Variants in ME3 observed in about 807,000 individuals in gnomAD.
The protein encoded by ME3 is NADP-dependent malic enzyme, mitochondrial.
In ME3, 48 loss-of-function variants were observed where a neutral mutation model predicts 68.9. That is an observed-to-expected ratio of 0.70 (90% CI 0.55 to 0.89). ME3 has a LOEUF of 0.89. Among genes scored for constraint, ME3 ranks in the 40% least tolerant of loss-of-function variants. ME3 has a pLI of 0.00. For missense variants in ME3, 675 were observed against 797.4 expected, an observed-to-expected ratio of 0.85 and a Z score of 1.85; for synonymous variants, 320 against 318.8, an observed-to-expected ratio of 1.00 and a Z score of -0.04.
chr11:86,493,131 G>A (rs1031139478), intron 6 of ME3, among the ~76,000 whole-genome samples: 2 of 152,172 alleles, frequency 1.3e-5, no homozygotes, highest in Non-Finnish European at 2.9e-5. Context: ...TGATAATCTT[G>A]CAAGGTAGAA....
chr11:86,473,761 A>G (rs977307428), intron 7 of ME3, among the ~76,000 whole-genome samples: 7 of 142,668 alleles, frequency 4.9e-5, no homozygotes, highest in African/African-American at 2.0e-4. Flanking sequence ...CAAGGATGAC[A>G]GGGAATCTAT....
chr11:86,475,075 T>A (rs1218863709), intron 7 of ME3, among the ~76,000 whole-genome samples: 2 of 152,220 alleles, frequency 1.3e-5, no homozygotes. Flanking sequence ...TCAGGACAAG[T>A]CTTTTCTTTG....
intron 6 of ME3, among the ~76,000 whole-genome samples, chr11:86,488,412 C>T (rs913714912): frequency 1.3e-5 from 2 of 152,074 alleles, no homozygotes; most frequent in Non-Finnish European, 2.9e-5. Context: ...CTCCCTCCCT[C>T]CTTGAAATCT....
chr11:86,605,799 G>C (rs985382012), intron 2 of ME3, among the ~76,000 whole-genome samples: 1 of 1,168 alleles, frequency 8.6e-4, no homozygotes, highest in Non-Finnish European at 0.012. Context: ...ACAGTCAGAG[G>C]GGGAGGGTTA....
intron 2 of ME3, among the ~76,000 whole-genome samples, chr11:86,587,014 A>G (rs188918556): frequency 5.3e-5 from 8 of 152,322 alleles, no homozygotes; most frequent in African/African-American, 1.9e-4. Flanking sequence ...TGTCAGAGAA[A>G]TAGATGAAAA....
In ME3 at chr11:86,486,843, A is replaced by G. The variant is rs1951721825; in HGVS notation, c.809+494T>C. On this transcript the variant is annotated intron_variant, in intron 7 of 14. Coordinates refer to ENST00000543262, the Ensembl canonical transcript of ME3. The stretch of plus-strand genomic sequence containing the variant: ...ACTGTGAAGCTTCCCCAGTGAAGAG[A>G]TGACACCTCATAAATCTTGCAGGCC... Among the ~76,000 whole-genome samples, 4 of 152,184 alleles carry G rather than the reference A, an allele frequency of 2.6e-5. No homozygotes were observed. In the South Asian group the frequency reaches 8.3e-4, roughly 32 times the overall value.
intron 4 of ME3, among the ~76,000 whole-genome samples, chr11:86,537,658 T>C (rs76598684): frequency 0.017 from 2,583 of 152,348 alleles, 76 homozygotes; most frequent in African/African-American, 0.056. Flanking sequence ...TCTGTTCCCA[T>C]GTCAGGCTTG....
At chr11:86,572,813 T>C (rs111317736) in intron 2 of ME3, among the ~76,000 whole-genome samples, 18,491 of 152,226 alleles carry the variant, frequency 0.12, 1,397 homozygotes, top group African/African-American at 0.22. Flanking sequence ...GATTGCTGGG[T>C]CAAATGGTAT....
At chr11:86,659,952 A>G (rs1461205951) in intron 2 of ME3, among the ~76,000 whole-genome samples, 1 of 152,194 alleles carries the variant, frequency 6.6e-6, no homozygotes, top group African/African-American at 2.4e-5. Flanking sequence ...AGAATATACC[A>G]AAATGTTGGG....
chr11:86,562,003 C>T (rs1332727032), intron 2 of ME3, among the ~76,000 whole-genome samples: 2 of 152,198 alleles, frequency 1.3e-5, no homozygotes, highest in Non-Finnish European at 2.9e-5. Flanking sequence ...GCATGTCATG[C>T]ATCTACCATG....
rs201213257 is a variant in ME3, at chr11:86,559,716, G to C, written c.291C>G (p.Tyr97Ter). 48 of 1,613,672 alleles carry C rather than the reference G, an allele frequency of 3.0e-5. No individual in the cohort carries two copies. Among genetic ancestry groups the C allele is most frequent in the Non-Finnish European group, 4.1e-5 (48 of 1,179,788 alleles). Residue 97 changes from tyrosine (Y) to a stop codon, truncating the protein, a stop_gained, in exon 3 of 15, where the codon TAC becomes TAG. Coordinates refer to ENST00000543262, the Ensembl canonical transcript of ME3. LOFTEE classifies it high-confidence loss of function. ...TGTCCAGGTCACTCTGCTGCCGCTC[G>C]TAATATCTCATGATTCGGAGGAGCT...
chr11:86,502,845 C>T (rs1208069892), intron 5 of ME3, among the ~76,000 whole-genome samples: 4 of 152,082 alleles, frequency 2.6e-5, no homozygotes, highest in Non-Finnish European at 5.9e-5. Context: ...GAATTATTGC[C>T]CACACCCTTT....
chr11:86,595,310 G>T (rs199581385), intron 2 of ME3, among the ~76,000 whole-genome samples: 3,229 of 57,514 alleles, frequency 0.056, 311 homozygotes, highest in East Asian at 0.17. Context: ...TATATATAGA[G>T]AGAGAGAGAG....
chr11:86,591,053 T>G (rs1959026737), intron 2 of ME3, among the ~76,000 whole-genome samples: 1 of 152,178 alleles, frequency 6.6e-6, no homozygotes, highest in Non-Finnish European at 1.5e-5. Flanking sequence ...GCCTGGATGT[T>G]TCAAACCTAG....
chr11:86,546,110 A>T (rs1256853010), intron 4 of ME3, among the ~76,000 whole-genome samples: 9 of 152,226 alleles, frequency 5.9e-5, no homozygotes, highest in Non-Finnish European at 1.3e-4. Flanking sequence ...CTGGCTAGCC[A>T]TATGCAGAAA....
At chr11:86,615,408 C>T (rs968102876) in intron 2 of ME3, among the ~76,000 whole-genome samples, 1 of 152,112 alleles carries the variant, frequency 6.6e-6, no homozygotes, top group African/African-American at 2.4e-5. Flanking sequence ...GTATTATTCC[C>T]ATTTTATGGA....
intron 2 of ME3, among the ~76,000 whole-genome samples, chr11:86,625,040 T>C (rs79750542): frequency 0.035 from 5,327 of 152,336 alleles, 127 homozygotes; most frequent in Non-Finnish European, 0.055. Context: ...CATTTAGTCA[T>C]GTTCAAATTT....
At chr11:86,537,624 T>G (rs1955766804) in intron 4 of ME3, among the ~76,000 whole-genome samples, 1 of 152,166 alleles carries the variant, frequency 6.6e-6, no homozygotes, top group South Asian at 2.1e-4. Context: ...AGCTCAAGGG[T>G]CTCTTAAAAG....
intron 2 of ME3, among the ~76,000 whole-genome samples, chr11:86,580,714 T>A (rs1365971535): frequency 6.6e-6 from 1 of 152,224 alleles, no homozygotes; most frequent in African/African-American, 2.4e-5. Flanking sequence ...AGAGCTGGAA[T>A]GTAAACACAG....
Sources: allele counts gnomAD v4.1 joint callset (sites outside exome capture counted in the v4.1 genomes callset), GRCh38; gene constraint gnomAD v4.1.1; transcripts MANE v1.5; gene names NCBI Gene and HGNC (gene_info 2026-07-23, HGNC 2026-07-21).